The following SIKE1 variants were observed in gnomAD, a reference collection of about 807,000 sequenced individuals.
The protein encoded by SIKE1 is suppressor of IKBKE 1, also known as suppressor of IKK epsilon.
In SIKE1, 13 loss-of-function variants were observed where a neutral mutation model predicts 25.8. The ratio of observed to expected loss-of-function variants is 0.50; its 90% CI spans 0.33 to 0.80. SIKE1 has a LOEUF of 0.80. Among genes scored for constraint, SIKE1 ranks in the 30% least tolerant of loss-of-function variants. The pLI is 0.02. For synonymous variants in SIKE1, 86 were observed against 95.5 expected, an observed-to-expected ratio of 0.90 and a Z score of 0.58; for missense variants, 222 against 252.4, an observed-to-expected ratio of 0.88 and a Z score of 0.82.
Position 114,780,147 on chromosome 1 carries a change from C to T in SIKE1, c.228G>A (p.Glu76=), listed in dbSNP as rs190458332. 2 of 1,613,998 alleles carry T rather than the reference C, an allele frequency of 1.2e-6. No homozygotes were observed. The highest frequency in any genetic ancestry group is 1.3e-5 in the African/African-American group (1 of 75,010). ...KYKPHILLSQ[E]NTQIRDLQQE... is the part of the protein sequence containing the mutation. ...GTTGCAAGTCTCTAATCTGTGTGTT[C>T]TCTTGGGACAGCAGAATGTGAGGTT... Residue 76 remains glutamate, a synonymous_variant, in exon 2 of 5, where the codon GAG becomes GAA. Transcript: ENST00000060969.
chr1:114,776,346 C>T lies in SIKE1; in HGVS notation c.522G>A (p.Glu174=), dbSNP rs1442482081. Residue 174 remains glutamate (E), a splice_region_variant and synonymous_variant, in exon 4 of 5, where the codon GAG becomes GAA. Transcript: ENST00000060969. ...GAACCTAAATTAGCTACAATCTTAC[C>T]TCTAATTGGGCTAATTTTTCCTGAA... ...CKIQEKLAQL[E]LENKELRELL... The T allele has an allele frequency of 2.5e-6, 4 of 1,585,924 alleles. No individual in the cohort carries two copies. In the Admixed American group the frequency reaches 5.0e-5, roughly 20 times the overall value.
rs1448415669 is a variant in SIKE1 at position 114,771,509 on chromosome 1, G to C, written c.*2762C>G. On this transcript the variant is annotated 3_prime_UTR_variant, in exon 5 of 5. Transcript: ENST00000060969. ...TTGTGCCTGAGTATCTGCAAAATGA[G>C]GTACAGTTAAAATGGAGTTTATATA... The C allele has an allele frequency of 6.6e-6, 1 of 152,108 alleles. No homozygotes were observed. Among genetic ancestry groups the C allele is most frequent in the East Asian group, 1.9e-4 (1 of 5,196 alleles). 9.4% of individuals were successfully genotyped at this position (152,108 alleles called of 1,614,324 possible). A position where few individuals can be genotyped will look rare whatever the true frequency, so the allele number is the denominator to read the frequency against.
At chr1:114,775,695 C>T (rs1662217928) in intron 4 of SIKE1, among the ~76,000 whole-genome samples, 1 of 151,982 alleles carries the variant, frequency 6.6e-6, no homozygotes, top group South Asian at 2.1e-4. Context: ...TTTGTAAAGA[C>T]AGGGTTCCGC....
chr1:114,777,224 A>C (rs1233424745), intron 3 of SIKE1, among the ~76,000 whole-genome samples: 1 of 152,198 alleles, frequency 6.6e-6, no homozygotes, highest in Non-Finnish European at 1.5e-5. Context: ...CACGTTTTGC[A>C]CATGTACCCT....
At chr1:114,776,567 T>C (rs537416567) in intron 3 of SIKE1, 108 bp from the exon 4 acceptor site, 2 of 727,318 alleles carry the variant, frequency 2.7e-6, no homozygotes, top group Non-Finnish European at 4.8e-6. Context: ...TAATCTATGA[T>C]ACAGAAGTTA....
At chr1:114,779,961 TC>T (rs1662354398) in intron 2 of SIKE1, 148 bp downstream of exon 2, 3 of 608,344 alleles carry the variant, frequency 4.9e-6, no homozygotes, top group Non-Finnish European at 8.8e-6. Context: ...AAAAGGGTAA[TC>T]TAACAAACTT....
In SIKE1 at chr1:114,769,768, G is replaced by GC. The variant is rs2101121460; in HGVS notation, c.*4502_*4503insG. ...AACAAATCTATTAAAAAGAGAGCGG[G>GC]GGGGTCGGCAAAGATAGGAGAAGAG... On this transcript the variant is annotated 3_prime_UTR_variant, in exon 5 of 5. Transcript: ENST00000060969. 1 of 152,204 alleles carries GC rather than the reference G, an allele frequency of 6.6e-6. No homozygotes were observed. Among genetic ancestry groups the GC allele is most frequent in the Admixed American group, 6.5e-5 (1 of 15,282 alleles). The allele number at this position is 152,204 out of a possible 1,614,324, so 9.4% of individuals were successfully genotyped here. A position where few individuals can be genotyped will look rare whatever the true frequency, so the allele number is the denominator to read the frequency against.
chr1:114,778,037 A>T (rs1264850658), intron 3 of SIKE1, among the ~76,000 whole-genome samples: 2 of 152,220 alleles, frequency 1.3e-5, no homozygotes, highest in African/African-American at 4.8e-5. Flanking sequence ...CCATACGAGA[A>T]GAAAATCTAT....
At position 114,769,984 on chromosome 1, in the gene SIKE1, T is replaced by C. The variant is rs1662021839; in HGVS notation, c.*4287A>G. The C allele has an allele frequency of 2.0e-5, 3 of 152,240 alleles. No individual in the cohort carries two copies. Among genetic ancestry groups the C allele is most frequent in the East Asian group, 1.9e-4 (1 of 5,204 alleles). 9.4% of individuals were successfully genotyped at this position (152,240 alleles called of 1,614,324 possible). ...ATCTGCATGGCTGTTCCTAAAACTA[T>C]GCTTATTTTATCAAGCAGAGTTCTT... On this transcript the variant is annotated 3_prime_UTR_variant, in exon 5 of 5. Coordinates refer to ENST00000060969, the MANE Select transcript of SIKE1 (RefSeq NM_025073.3).
intron 4 of SIKE1, among the ~76,000 whole-genome samples, chr1:114,775,159 G>A (rs1662176620): frequency 6.6e-6 from 1 of 152,136 alleles, no homozygotes; most frequent in Admixed American, 6.6e-5. Flanking sequence ...CACTACCTTT[G>A]ATTTCTAGAG....
chr1:114,779,238 G>A lies in SIKE1; in HGVS notation c.312C>T (p.Ile104=), dbSNP rs778267994. The change falls in exon 3 of 5, where the codon ATC becomes ATT. Residue 104 remains isoleucine, a synonymous_variant. Transcript: ENST00000060969. The part of the protein sequence containing the change: ...LEEHQDALEL[I]MSKYRKQMLQ... ...ACATCTGTTTCCGATATTTGCTCAT[G>A]ATAAGTTCCAAAGCATCCTGGTGTT... The A allele has an allele frequency of 1.2e-6, 2 of 1,614,174 alleles. No homozygotes were observed. Among genetic ancestry groups the A allele is most frequent in the Admixed American group, 1.7e-5 (1 of 60,018 alleles).
In SIKE1 at chr1:114,779,961, T is replaced by A; in HGVS notation, c.265+149A>T. The A allele has an allele frequency of 1.2e-5, 7 of 608,462 alleles. No individual in the cohort carries two copies. The South Asian group carries it at 1.4e-4, about 12-fold the overall frequency. The allele number at this position is 608,462 out of a possible 1,614,324, so 37.7% of individuals were successfully genotyped here. On this transcript the variant is annotated intron_variant, in intron 2 of 4. Coordinates refer to ENST00000060969, the MANE Select transcript of SIKE1 (RefSeq NM_025073.3). The stretch of plus-strand genomic sequence containing the variant: ...AGTCAGATGACCTTGAAAAGGGTAA[T>A]CTAACAAACTTTATTGTTACTGGGC...
At chr1:114,776,271 TGGG>T in intron 4 of SIKE1, 72 bp downstream of exon 4, 2 of 874,778 alleles carry the variant, frequency 2.3e-6, no homozygotes, top group Admixed American at 3.6e-5. Context: ...ATTACAGTGA[TGGG>T]ATAGTGATGG....
intron 4 of SIKE1, 130 bp from the exon 5 acceptor site, chr1:114,774,502 A>G (rs1662160003): frequency 3.4e-6 from 2 of 586,538 alleles, no homozygotes; most frequent in Non-Finnish European, 5.9e-6. Context: ...CAAAAAATCC[A>G]CTAGTTGAGA....
At position 114,770,217 on chromosome 1, in the gene SIKE1, G is replaced by A. The variant is rs1662029013; in HGVS notation, c.*4054C>T. On this transcript the variant is annotated 3_prime_UTR_variant, in exon 5 of 5. Coordinates refer to ENST00000060969, the MANE Select transcript of SIKE1 (RefSeq NM_025073.3). ...AGTTCGAGACCAGCCTGGCCAACATGGAGAAACCCCATCTACTAAAAACAC... is the reference window on the plus strand; with the variant it reads ...AGTTCGAGACCAGCCTGGCCAACATAGAGAAACCCCATCTACTAAAAACAC... 1 of 152,184 alleles carries A rather than the reference G, an allele frequency of 6.6e-6. No individual in the cohort carries two copies. Among genetic ancestry groups the A allele is most frequent in the Non-Finnish European group, 1.5e-5 (1 of 68,078 alleles). The allele number at this position is 152,184 out of a possible 1,614,324, so 9.4% of individuals were successfully genotyped here.
intron 2 of SIKE1, among the ~76,000 whole-genome samples, 197 bp from the exon 3 acceptor site, chr1:114,779,481 G>A (rs529721020): frequency 6.6e-6 from 1 of 152,350 alleles, no homozygotes; most frequent in East Asian, 1.9e-4. Context: ...AAGTCTTGCA[G>A]AAACAACAAT....
chr1:114,771,705 T>C lies in SIKE1; in HGVS notation c.*2566A>G, dbSNP rs1356552593. 2 of 152,226 alleles carry C rather than the reference T, an allele frequency of 1.3e-5. No individual in the cohort carries two copies. Among genetic ancestry groups the C allele is most frequent in the African/African-American group, 4.8e-5 (2 of 41,470 alleles). 9.4% of individuals were successfully genotyped at this position (152,226 alleles called of 1,614,324 possible). ...CCTCTTCTGTATCTTATACATACTA[T>C]AATGGATTTATCACACTGCATTATA... On this transcript the variant is annotated 3_prime_UTR_variant, in exon 5 of 5. Transcript: ENST00000060969.
chr1:114,774,296 T>C lies in SIKE1; in HGVS notation c.599A>G (p.Asp200Gly), dbSNP rs781403382. The change falls in exon 5 of 5, where the codon GAC becomes GGC. Residue 200 changes from aspartate to glycine, a missense_variant. Transcript: ENST00000060969. ...TTATTTGATGGCTTGGGAAGCAGTG[T>C]CCATTGAGTTTTCCTTTCTGGCTTG... ...SLQARKENSM[D>G]TASQAIK 6.2e-7 allele frequency: 1 copy of C among 1,612,272 alleles called. No homozygotes were observed. The highest frequency in any genetic ancestry group is 8.5e-7 in the Non-Finnish European group (1 of 1,178,680).
At chr1:114,778,939 C>T (rs1382814580) in intron 3 of SIKE1, 2 of 591,704 alleles carry the variant, frequency 3.4e-6, no homozygotes, top group Non-Finnish European at 6.0e-6. Context: ...CACCTGTAGT[C>T]CCAGCTGCTC....
Sources: allele counts gnomAD v4.1 joint callset (sites outside exome capture counted in the v4.1 genomes callset), GRCh38; gene constraint gnomAD v4.1.1; transcripts MANE v1.5; gene names NCBI Gene and HGNC (gene_info 2026-07-23, HGNC 2026-07-21).